The following NEGR1 variants were observed in gnomAD, a reference collection of about 807,000 sequenced individuals.
The protein encoded by NEGR1 is neuronal growth regulator 1, also known as IgLON family member 4.
NEGR1 carries 10 observed loss-of-function variants against 40.9 expected under a neutral mutation model. That is an observed-to-expected ratio of 0.24 (90% CI 0.15 to 0.42). The LOEUF is 0.42. Among genes scored for constraint, NEGR1 ranks in the 10% least tolerant of loss-of-function variants. The pLI is 1.00. For synonymous variants in NEGR1, 185 were observed against 166.8 expected (o/e 1.11, Z -0.84); for missense variants, 352 against 438.9 (o/e 0.80, Z 1.77).
intron 4 of NEGR1, among the ~76,000 whole-genome samples, chr1:71,673,803 T>A (rs909619383): frequency 3.3e-5 from 5 of 151,456 alleles, no homozygotes; most frequent in African/African-American, 1.2e-4. Flanking sequence ...TAATGATATT[T>A]TTTTTTACTA....
intron 4 of NEGR1, among the ~76,000 whole-genome samples, chr1:71,679,698 A>G (rs977602038): frequency 2.6e-5 from 4 of 152,022 alleles, no homozygotes; most frequent in Non-Finnish European, 5.9e-5. Context: ...CCTTTTTACT[A>G]CAATGGTAAG....
At chr1:71,849,801 C>T (rs945647662) in intron 2 of NEGR1, among the ~76,000 whole-genome samples, 15 of 152,082 alleles carry the variant, frequency 9.9e-5, no homozygotes, top group African/African-American at 2.9e-4. Context: ...GATGAAGGCT[C>T]GGATGATTCT....
At chr1:72,131,279 G>T (rs1003871331) in intron 1 of NEGR1, among the ~76,000 whole-genome samples, 4 of 151,914 alleles carry the variant, frequency 2.6e-5, no homozygotes, top group African/African-American at 9.7e-5. Context: ...AGTTGTGTCA[G>T]GTATTTTGAT....
intron 1 of NEGR1, among the ~76,000 whole-genome samples, chr1:72,151,969 A>T (rs942348036): frequency 3.3e-5 from 5 of 151,820 alleles, no homozygotes; most frequent in African/African-American, 1.2e-4. Flanking sequence ...CTTAATATGG[A>T]TGCTCTATTA....
At chr1:72,130,292 T>G (rs1233309081) in intron 1 of NEGR1, among the ~76,000 whole-genome samples, 1 of 152,074 alleles carries the variant, frequency 6.6e-6, no homozygotes, top group Non-Finnish European at 1.5e-5. Context: ...GTTGTTTAGG[T>G]TTTTTGCCCG....
At chr1:71,812,338 A>C (rs1313548171) in intron 2 of NEGR1, among the ~76,000 whole-genome samples, 1 of 152,154 alleles carries the variant, frequency 6.6e-6, no homozygotes, top group African/African-American at 2.4e-5. Context: ...TGCTATTATG[A>C]ATAGTGCTGC....
chr1:71,777,032 A>G (rs1222766677), intron 2 of NEGR1, among the ~76,000 whole-genome samples: 1 of 152,124 alleles, frequency 6.6e-6, no homozygotes, highest in Non-Finnish European at 1.5e-5. Context: ...TCTCTGATGT[A>G]TTAGACTAGA....
intron 1 of NEGR1, among the ~76,000 whole-genome samples, chr1:71,943,187 A>T (rs1049320817): frequency 6.7e-6 from 1 of 148,834 alleles, no homozygotes; most frequent in Non-Finnish European, 1.5e-5. Flanking sequence ...TATATTTATA[A>T]ACAAACTATA....
At chr1:72,165,878 C>G (rs946223987) in intron 1 of NEGR1, among the ~76,000 whole-genome samples, 2 of 151,962 alleles carry the variant, frequency 1.3e-5, no homozygotes, top group Admixed American at 1.3e-4. Flanking sequence ...TCTATCTTCT[C>G]CTCTCTCACA....
intron 6 of NEGR1, among the ~76,000 whole-genome samples, chr1:71,560,029 A>G (rs763094930): frequency 3.3e-5 from 5 of 151,260 alleles, no homozygotes; most frequent in African/African-American, 1.2e-4. Flanking sequence ...CTTGAAGTCT[A>G]GTGCACATGA....
At chr1:71,596,955 T>C (rs1258148731) in intron 5 of NEGR1, among the ~76,000 whole-genome samples, 1 of 152,206 alleles carries the variant, frequency 6.6e-6, no homozygotes, top group Admixed American at 6.5e-5. Flanking sequence ...TAATGATATA[T>C]CATTTTATAT....
In NEGR1 at chr1:71,935,284, C is replaced by A. The variant is rs1645894347; in HGVS notation, c.204G>T (p.Lys68Asn). 2 of 1,613,526 alleles carry A rather than the reference C, an allele frequency of 1.2e-6. No homozygotes were observed. The highest frequency in any genetic ancestry group is 1.7e-6 in the Non-Finnish European group (2 of 1,179,622). Reference sequence around the variant, plus strand: ...TACTTGACCGGTTCAGCCAGGCACCCTTTGAAGCTCCATCTTCCAAATAAC... The same window carrying A: ...TACTTGACCGGTTCAGCCAGGCACCATTTGAAGCTCCATCTTCCAAATAAC... ...LRCYLEDGASKGAWLNRSSII... is the reference protein window; with the variant it reads ...LRCYLEDGASNGAWLNRSSII... The change falls in exon 2 of 7, where the codon AAG (lysine) becomes AAT (asparagine). Residue 68 changes from lysine to asparagine, a missense_variant. This residue lies in a region of NEGR1 where 81 missense variants were observed against 85.8 expected (regional missense o/e 0.94). Transcript: ENST00000357731.
In NEGR1 at chr1:71,395,977, G is replaced by A. The variant is rs1646208955; in HGVS notation, c.*11469C>T. ...ACAGCCTTTATTCATATCACTAATT[G>A]TAATATGTACTAATTGTAAATGTGG... On this transcript the variant is annotated 3_prime_UTR_variant, in exon 7 of 7. Coordinates refer to ENST00000357731, the MANE Select transcript of NEGR1 (RefSeq NM_173808.3). 3 of 152,136 alleles carry A rather than the reference G, an allele frequency of 2.0e-5. No individual in the cohort carries two copies. The highest frequency in any genetic ancestry group is 4.2e-4 in the South Asian group (2 of 4,806). 9.4% of individuals were successfully genotyped at this position (152,136 alleles called of 1,614,324 possible).
At chr1:71,536,737 T>C (rs1053711794) in intron 6 of NEGR1, among the ~76,000 whole-genome samples, 1 of 151,746 alleles carries the variant, frequency 6.6e-6, no homozygotes, top group Non-Finnish European at 1.5e-5. Context: ...CTTAAAATTT[T>C]TGTGAAGGAC....
intron 1 of NEGR1, among the ~76,000 whole-genome samples, chr1:72,211,749 C>T (rs1452129732): frequency 6.6e-6 from 1 of 151,162 alleles, no homozygotes; most frequent in Admixed American, 6.6e-5. Context: ...TAAATAGAAT[C>T]TGTTTGATGT....
intron 3 of NEGR1, among the ~76,000 whole-genome samples, chr1:71,748,542 C>T (rs1655462309): frequency 6.6e-6 from 1 of 152,082 alleles, no homozygotes; most frequent in Non-Finnish European, 1.5e-5. Flanking sequence ...ACCTATGATA[C>T]CTGTATCCTG....
Position 71,404,194 on chromosome 1 carries a change from A to G in NEGR1, c.*3252T>C, listed in dbSNP as rs1362403804. The G allele has an allele frequency of 6.6e-6, 1 of 151,216 alleles. No individual in the cohort carries two copies. Among genetic ancestry groups the G allele is most frequent in the Non-Finnish European group, 1.5e-5 (1 of 68,222 alleles). 9.4% of individuals were successfully genotyped at this position (151,216 alleles called of 1,614,324 possible). ...TTTTTTTCCCTGAATTACCTGGGTAATTTTCTCAGTTCTCCAGTCTACTTT... is the reference window on the plus strand; with the variant it reads ...TTTTTTTCCCTGAATTACCTGGGTAGTTTTCTCAGTTCTCCAGTCTACTTT... On this transcript the variant is annotated 3_prime_UTR_variant, in exon 7 of 7. Transcript: ENST00000357731.
At chr1:71,566,390 C>G (rs994612557) in intron 6 of NEGR1, among the ~76,000 whole-genome samples, 4 of 152,092 alleles carry the variant, frequency 2.6e-5, no homozygotes, top group African/African-American at 9.7e-5. Context: ...AAGACAGCAA[C>G]TAGAAATAAA....
intron 2 of NEGR1, among the ~76,000 whole-genome samples, chr1:71,912,836 T>A (rs143903542): frequency 1.3e-5 from 2 of 152,310 alleles, no homozygotes; most frequent in African/African-American, 4.8e-5. Flanking sequence ...AGTACATGTA[T>A]ATATGTATTT....
Sources: allele counts gnomAD v4.1 joint callset (sites outside exome capture counted in the v4.1 genomes callset), GRCh38; gene constraint gnomAD v4.1.1; regional missense constraint gnomAD v4.1.1; transcripts MANE v1.5; gene names NCBI Gene and HGNC (gene_info 2026-07-23, HGNC 2026-07-21).